Variants in SMARCA2 observed in about 807,000 individuals in gnomAD.
SMARCA2 encodes the protein SWI/SNF related BAF chromatin remodeling complex subunit ATPase 2.
Under a neutral mutation model 199.8 loss-of-function variants are expected in SMARCA2, and 61 were observed. The observed-to-expected ratio is 0.31, with a 90% CI of 0.25 to 0.38. The LOEUF is 0.38. SMARCA2 is among the 10% of genes least tolerant of loss of function. The probability of loss-of-function intolerance (pLI) is 1.00; values close to 1 mark genes in which losing one functional copy is unlikely to be tolerated. For synonymous variants in SMARCA2, 935 were observed against 732.0 expected, an observed-to-expected ratio of 1.28 and a Z score of -4.48; for missense variants, 1,344 against 2,012.2, an observed-to-expected ratio of 0.67 and a Z score of 6.35.
chr9:2,148,915 C>G (rs1457446396), intron 27 of SMARCA2, among the ~76,000 whole-genome samples: 3 of 151,594 alleles, frequency 2.0e-5, no homozygotes, highest in Non-Finnish European at 4.4e-5. Context: ...GTGTCTCCTT[C>G]TCTGCCACCA....
At chr9:2,041,367 C>T (rs1050798170) in intron 4 of SMARCA2, 9 of 398,504 alleles carry the variant, frequency 2.3e-5, no homozygotes, top group African/African-American at 1.6e-4. Context: ...AAAACACCAG[C>T]AGATTCAGTG....
At chr9:2,092,743 A>G (rs1390258969) in intron 19 of SMARCA2, among the ~76,000 whole-genome samples, 5 of 152,214 alleles carry the variant, frequency 3.3e-5, no homozygotes, top group Non-Finnish European at 7.3e-5. Flanking sequence ...TCAGTTTTAC[A>G]TATGATTTAA....
At chr9:2,172,387 C>G (rs1826298897) in intron 29 of SMARCA2, among the ~76,000 whole-genome samples, 1 of 149,318 alleles carries the variant, frequency 6.7e-6, no homozygotes, top group Non-Finnish European at 1.5e-5. Flanking sequence ...TTCTAACTGG[C>G]TGTGAGCAGA....
At chr9:2,166,265 C>A (rs1390999759) in intron 28 of SMARCA2, among the ~76,000 whole-genome samples, 1 of 152,126 alleles carries the variant, frequency 6.6e-6, no homozygotes, top group African/African-American at 2.4e-5. Flanking sequence ...CCCAGAACTC[C>A]AATGGGGTAT....
rs542119577 is a variant in SMARCA2 at position 2,086,538 on chromosome 9, C to T, written c.2527-291C>T. 7.9e-5 allele frequency among the ~76,000 whole-genome samples: 12 copies of T among 152,244 alleles called. No homozygotes were observed. The highest frequency in any genetic ancestry group is 1.5e-4 in the Non-Finnish European group (10 of 68,006). ...TGGATGGGGAGAGGCAGGATCCACA[C>T]GTGGAAACAACCATGTCATTCTGGA... is the stretch of plus-strand genomic sequence containing the variant. On this transcript the variant is annotated intron_variant, in intron 17 of 33. Transcript: ENST00000349721. This position sits in a 1 kb window ranked among gnomAD's most constrained non-coding sequence, Gnocchi z 4.3.
chr9:2,102,205 T>C (rs1822551107), intron 22 of SMARCA2, among the ~76,000 whole-genome samples: 1 of 151,816 alleles, frequency 6.6e-6, no homozygotes, highest in African/African-American at 2.4e-5. Flanking sequence ...TAGGATGTAG[T>C]CATCATTTTT....
intron 24 of SMARCA2, among the ~76,000 whole-genome samples, chr9:2,111,353 G>T (rs544327933): frequency 6.6e-6 from 1 of 151,976 alleles, no homozygotes; most frequent in Non-Finnish European, 1.5e-5. Context: ...GCTGGGCACA[G>T]TGGCACTTAT....
In SMARCA2 at chr9:2,079,123, C is replaced by T. The variant is rs143713496; in HGVS notation, c.2184+1347C>T. On this transcript the variant is annotated intron_variant, in intron 14 of 33. Transcript: ENST00000349721. Reference sequence around the variant, plus strand: ...ACCCTGGACTGTCCCTGAACAACAACCAGATACGGTCACTCTGGCAGTGAC... The same window carrying T: ...ACCCTGGACTGTCCCTGAACAACAATCAGATACGGTCACTCTGGCAGTGAC... Among the ~76,000 whole-genome samples, 986 of 152,216 alleles carry T rather than the reference C, an allele frequency of 6.5e-3. 14 individuals carry two copies. The highest frequency in any genetic ancestry group is 0.023 in the African/African-American group (942 of 41,518).
chr9:2,071,038 A>G (rs1449183107), intron 10 of SMARCA2, among the ~76,000 whole-genome samples: 2 of 152,078 alleles, frequency 1.3e-5, no homozygotes, highest in African/African-American at 2.4e-5. Context: ...TTTTTTTCTG[A>G]AGAATTTAAG....
chr9:2,053,411 C>A (rs1224343212), intron 5 of SMARCA2, among the ~76,000 whole-genome samples: 1 of 152,176 alleles, frequency 6.6e-6, no homozygotes, highest in African/African-American at 2.4e-5. Context: ...AATTATCTAT[C>A]ATTTTATTGC....
intron 29 of SMARCA2, among the ~76,000 whole-genome samples, chr9:2,175,347 T>A (rs1474685963): frequency 2.1e-5 from 3 of 140,166 alleles, no homozygotes; most frequent in African/African-American, 8.2e-5. Flanking sequence ...ACTCTCTGGA[T>A]CTTACGTCCT....
chr9:2,039,815 G>A lies in SMARCA2; in HGVS notation c.705G>A (p.Gln235=), dbSNP rs574062756. The A allele has an allele frequency of 5.0e-6, 8 of 1,596,704 alleles. No individual in the cohort carries two copies. Among genetic ancestry groups the A allele is most frequent in the East Asian group, 2.3e-5 (1 of 43,934 alleles). The stretch of plus-strand genomic sequence containing the variant: ...AGCAGCAGCAGCAGCAGCAGCAGCA[G>A]CAACAGCAGCCGCAGCAGCAGCCGC... ...QQQQQQQQQQ[Q]QQQPQQQPPQ... The change falls in exon 4 of 34, where the codon CAG becomes CAA. Residue 235 remains glutamine (Q), a synonymous_variant. Transcript: ENST00000349721. The surrounding 1 kb of genome is among the most constrained non-coding windows in gnomAD (Gnocchi z 4.8).
intron 5 of SMARCA2, 29 bp from the exon 6 acceptor site, chr9:2,054,568 C>A: frequency 6.2e-7 from 1 of 1,600,554 alleles, no homozygotes; most frequent in East Asian, 2.2e-5. Context: ...TCCCCTGCCC[C>A]CTTTTCCCCA....
chr9:2,164,833 C>T (rs1205896371), intron 28 of SMARCA2, among the ~76,000 whole-genome samples: 1 of 152,184 alleles, frequency 6.6e-6, no homozygotes, highest in Non-Finnish European at 1.5e-5. Flanking sequence ...TGGTAAGACA[C>T]ATTCTATTAG....
intron 2 of SMARCA2, 37 bp downstream of exon 2, chr9:2,029,284 A>G (rs762197922): frequency 4.4e-6 from 7 of 1,578,638 alleles, no homozygotes; most frequent in South Asian, 1.2e-5. Context: ...TCAACTTCTG[A>G]TAAGTGGATG....
intron 31 of SMARCA2, among the ~76,000 whole-genome samples, chr9:2,184,707 TTTTATTCTTGCCTCCTCATC>T (rs1394783194): frequency 6.6e-6 from 1 of 152,152 alleles, no homozygotes; most frequent in Non-Finnish European, 1.5e-5. Context: ...GATGCATCTC[TTTTATTCTTGCCTCCTCATC>T]TTTCTCATTT....
intron 29 of SMARCA2, among the ~76,000 whole-genome samples, chr9:2,173,662 A>G (rs1275141228): frequency 1.3e-5 from 2 of 152,036 alleles, no homozygotes; most frequent in African/African-American, 4.8e-5. Flanking sequence ...GCATTTCATG[A>G]TGCTTCCCAG....
At chr9:2,159,916 A>G (rs1441780846) in intron 27 of SMARCA2, 5 of 1,608,720 alleles carry the variant, frequency 3.1e-6, no homozygotes, top group Non-Finnish European at 4.2e-6. Context: ...TAAGGTAAAT[A>G]TCCTTTTTCG....
chr9:2,112,220 C>T (rs1487830286), intron 24 of SMARCA2, among the ~76,000 whole-genome samples: 2 of 152,146 alleles, frequency 1.3e-5, no homozygotes, highest in Admixed American at 6.5e-5. Flanking sequence ...GACTCCTCTC[C>T]TCCTGGTGTG....
Sources: gnomAD v4.1 joint callset for allele counts (sites outside exome capture counted in the v4.1 genomes callset) on GRCh38, gnomAD v4.1.1 for gene constraint, Gnocchi (gnomAD v3.1) non-coding constraint, MANE v1.5 for transcripts, NCBI Gene and HGNC (gene_info 2026-07-23, HGNC 2026-07-21) for gene names.